Variants in PLCB4 observed in about 807,000 individuals in gnomAD.
PLCB4 encodes the protein phospholipase C beta 4, also known as 1-phosphatidylinositol 4,5-bisphosphate phosphodiesterase beta-4.
Under a neutral mutation model 178.8 loss-of-function variants are expected in PLCB4, and 77 were observed. The ratio of observed to expected loss-of-function variants is 0.43; its 90% CI spans 0.36 to 0.52. PLCB4 has a LOEUF of 0.52. PLCB4 is among the 20% of genes least tolerant of loss of function. The probability of loss-of-function intolerance (pLI) is 0.00; values close to 1 mark genes in which losing one functional copy is unlikely to be tolerated. For synonymous variants in PLCB4, 496 were observed against 490.8 expected (o/e 1.01, Z -0.14); for missense variants, 1,024 against 1,453.4 (o/e 0.70, Z 4.80).
intron 33 of PLCB4, among the ~76,000 whole-genome samples, chr20:9,456,803 T>C (rs529028621): frequency 2.0e-4 from 31 of 152,256 alleles, no homozygotes; most frequent in South Asian, 1.0e-3. Flanking sequence ...TAACCTAGAG[T>C]ATACATGCTG....
rs565270728 is a variant in PLCB4, at chr20:9,238,406, A to AC, written c.-16+20963dup. Reference sequence around the variant, plus strand: ...CACTGTGGAGGAGGAAGTGGAGTTGACCCCCCCCCGAGGGACACCTTATCC... The same window carrying AC: ...CACTGTGGAGGAGGAAGTGGAGTTGACCCCCCCCCCGAGGGACACCTTATCC... On this transcript the variant is annotated intron_variant, in intron 3 of 39. Transcript: ENST00000378473. Among the ~76,000 whole-genome samples the AC allele has an allele frequency of 2.6e-3, 371 of 143,204 alleles. 2 individuals are homozygous for AC. The highest frequency in any genetic ancestry group is 9.9e-3 in the East Asian group (49 of 4,942). The allele number at this position is 143,204 out of a possible 152,430, so 93.9% of individuals were successfully genotyped here.
chr20:9,469,152 T>C (rs1462071387), intron 36 of PLCB4, among the ~76,000 whole-genome samples: 1 of 152,096 alleles, frequency 6.6e-6, no homozygotes, highest in Non-Finnish European at 1.5e-5. Flanking sequence ...GGCTAATTTT[T>C]GTATTTTTAG....
chr20:9,256,926 C>T (rs2147518567), intron 3 of PLCB4, among the ~76,000 whole-genome samples: 1 of 152,222 alleles, frequency 6.6e-6, no homozygotes, highest in East Asian at 1.9e-4. Flanking sequence ...GTGAAGTTGA[C>T]ATAAATGGAA....
At chr20:9,379,629 G>A (rs1015308967) in intron 12 of PLCB4, among the ~76,000 whole-genome samples, 19 of 152,076 alleles carry the variant, frequency 1.2e-4, no homozygotes, top group African/African-American at 4.1e-4. Context: ...GGTTTTTGAG[G>A]GGTGCACTTA....
chr20:9,165,005 G>GT (rs1346628005), intron 2 of PLCB4, among the ~76,000 whole-genome samples: 3 of 152,142 alleles, frequency 2.0e-5, no homozygotes, highest in Non-Finnish European at 4.4e-5. Flanking sequence ...TTTGGGTGGT[G>GT]TTTTTTATGG....
At chr20:9,209,053 C>T (rs1426196227) in intron 2 of PLCB4, among the ~76,000 whole-genome samples, 1 of 152,174 alleles carries the variant, frequency 6.6e-6, no homozygotes, top group African/African-American at 2.4e-5. Context: ...TTTGGTCCTT[C>T]TAGGTACTGA....
chr20:9,180,103 G>C (rs1406910158), intron 2 of PLCB4, among the ~76,000 whole-genome samples: 1 of 152,170 alleles, frequency 6.6e-6, no homozygotes, highest in Non-Finnish European at 1.5e-5. Flanking sequence ...GAATTTTCAT[G>C]ATGAAATCTC....
intron 25 of PLCB4, among the ~76,000 whole-genome samples, chr20:9,413,447 T>C (rs549846725): frequency 6.2e-4 from 94 of 151,884 alleles, no homozygotes; most frequent in Non-Finnish European, 1.1e-3. Flanking sequence ...ATCACAAGGT[T>C]AGGAGATCGA....
chr20:9,399,080 G>A (rs1267412960), intron 19 of PLCB4, among the ~76,000 whole-genome samples: 6 of 152,190 alleles, frequency 3.9e-5, no homozygotes, highest in African/African-American at 4.8e-5. Flanking sequence ...TCTGAAATTA[G>A]CATCTGTATG....
chr20:9,325,451 G>A (rs965398639), intron 4 of PLCB4, among the ~76,000 whole-genome samples: 6 of 152,158 alleles, frequency 3.9e-5, no homozygotes, highest in Non-Finnish European at 8.8e-5. Context: ...AGAGGTAGTT[G>A]TTGAATATTT....
At chr20:9,119,618 T>C (rs1424015248) in intron 2 of PLCB4, among the ~76,000 whole-genome samples, 1 of 152,136 alleles carries the variant, frequency 6.6e-6, no homozygotes, top group East Asian at 1.9e-4. Context: ...TCAACATCTA[T>C]CTATATCTTC....
At chr20:9,173,553 T>G (rs1386279960) in intron 2 of PLCB4, among the ~76,000 whole-genome samples, 1 of 152,142 alleles carries the variant, frequency 6.6e-6, no homozygotes, top group East Asian at 1.9e-4. Flanking sequence ...CAGGACCGTG[T>G]TTTTTCTGGA....
At chr20:9,353,573 G>T (rs1479663682) in intron 7 of PLCB4, among the ~76,000 whole-genome samples, 1 of 152,170 alleles carries the variant, frequency 6.6e-6, no homozygotes, top group Non-Finnish European at 1.5e-5. Flanking sequence ...TGGATTTAGT[G>T]TCCTAGATGA....
At chr20:9,236,799 G>C (rs1568996863) in intron 3 of PLCB4, among the ~76,000 whole-genome samples, 1 of 152,154 alleles carries the variant, frequency 6.6e-6, no homozygotes, top group Non-Finnish European at 1.5e-5. Flanking sequence ...TAATCCAAAG[G>C]CAGCTTAGGT....
intron 20 of PLCB4, 34 bp downstream of exon 20, chr20:9,401,624 G>A (rs764781261): frequency 3.4e-5 from 47 of 1,372,386 alleles, no homozygotes; most frequent in Non-Finnish European, 4.6e-5. Context: ...ACTCTCAAGA[G>A]GTAGCAGCTG....
rs1316753561 is a variant in PLCB4, at chr20:9,383,035, A to T, written c.854-1166A>T. On this transcript the variant is annotated intron_variant, in intron 13 of 39. Transcript: ENST00000378473. The stretch of plus-strand genomic sequence containing the variant: ...ACTTCTGTACCTTCAGTGAAAAATA[A>T]ATGAACAAGATCTACCTACATAGCT... Among the ~76,000 whole-genome samples the T allele has an allele frequency of 3.9e-5, 6 of 152,354 alleles. No individual in the cohort carries two copies. In the East Asian group the frequency reaches 1.2e-3, roughly 29 times the overall value.
intron 27 of PLCB4, among the ~76,000 whole-genome samples, chr20:9,421,941 G>A (rs2040672025): frequency 6.6e-6 from 1 of 152,134 alleles, no homozygotes; most frequent in Non-Finnish European, 1.5e-5. Context: ...TTCTTGTACT[G>A]TTGTTAGTGT....
intron 2 of PLCB4, among the ~76,000 whole-genome samples, chr20:9,110,855 A>G (rs1007784762): frequency 3.9e-5 from 6 of 152,176 alleles, no homozygotes; most frequent in African/African-American, 1.2e-4. Flanking sequence ...TATGTTTGTT[A>G]TAGAAAATTT....
rs1247098596 is a variant in PLCB4 at position 9,462,455 on chromosome 20, T to A, written c.3248+2645T>A. 2.0e-5 allele frequency among the ~76,000 whole-genome samples: 3 copies of A among 152,054 alleles called. No homozygotes were observed. In the East Asian group the frequency reaches 5.8e-4, roughly 30 times the overall value. ...GAAGTGGGCTTCAAAAGGTCAGTAA[T>A]AACAAACTTCTCTGAGCTAAAGGAG... is the stretch of plus-strand genomic sequence containing the variant. On this transcript the variant is annotated intron_variant, in intron 35 of 39. Transcript: ENST00000378473.
Sources: allele counts gnomAD v4.1 joint callset (sites outside exome capture counted in the v4.1 genomes callset), GRCh38; gene constraint gnomAD v4.1.1; transcripts MANE v1.5; gene names NCBI Gene and HGNC (gene_info 2026-07-23, HGNC 2026-07-21).